The following CSMD1 variants were observed in gnomAD, a reference collection of about 807,000 sequenced individuals.
The protein encoded by CSMD1 is CUB and sushi domain-containing protein 1.
Under a neutral mutation model 417.5 loss-of-function variants are expected in CSMD1, and 213 were observed. The ratio of observed to expected loss-of-function variants is 0.51; its 90% CI spans 0.46 to 0.57. The LOEUF is 0.57. Ranked by LOEUF, CSMD1 falls within the 20% of genes least tolerant of loss-of-function variation. The probability of loss-of-function intolerance (pLI) is 0.00; values close to 1 mark genes in which losing one functional copy is unlikely to be tolerated. For synonymous variants in CSMD1, 2,862 were observed against 1,736.8 expected (o/e 1.65, Z -16.11); for missense variants, 6,923 against 4,529.7 (o/e 1.53, Z -15.17).
intron 1 of CSMD1, among the ~76,000 whole-genome samples, chr8:4,670,489 C>T (rs756636277): frequency 1.3e-5 from 2 of 152,140 alleles, no homozygotes; most frequent in Non-Finnish European, 2.9e-5. Flanking sequence ...ACTACTCCCA[C>T]TTGAATTCAT....
chr8:3,712,020 C>A (rs1203342682), intron 6 of CSMD1, among the ~76,000 whole-genome samples: 1 of 152,188 alleles, frequency 6.6e-6, no homozygotes, highest in South Asian at 2.1e-4. Context: ...AAATTTCGTA[C>A]TCTTGCAAAC....
intron 1 of CSMD1, among the ~76,000 whole-genome samples, chr8:4,671,023 G>C (rs1223571792): frequency 6.6e-6 from 1 of 152,192 alleles, no homozygotes; most frequent in African/African-American, 2.4e-5. Context: ...ATTGGCTGCT[G>C]TTTTATCCAC....
intron 3 of CSMD1, among the ~76,000 whole-genome samples, chr8:4,246,052 T>C (rs1802690937): frequency 2.0e-5 from 3 of 152,296 alleles, no homozygotes; most frequent in Admixed American, 6.5e-5. Context: ...TTAAGTTTAG[T>C]GGTAGAAGTG....
At chr8:4,013,433 G>C (rs541360465) in intron 4 of CSMD1, among the ~76,000 whole-genome samples, 3 of 152,074 alleles carry the variant, frequency 2.0e-5, no homozygotes, top group Admixed American at 1.3e-4. Flanking sequence ...CAAATATTCC[G>C]GTTTTCTACT....
chr8:4,060,848 G>T (rs1482880623), intron 3 of CSMD1, among the ~76,000 whole-genome samples: 2 of 152,106 alleles, frequency 1.3e-5, no homozygotes, highest in African/African-American at 4.8e-5. Context: ...ATCATGTAAG[G>T]TTAGATGACC....
intron 7 of CSMD1, among the ~76,000 whole-genome samples, chr8:3,640,722 C>T (rs193294929): frequency 6.6e-6 from 1 of 152,152 alleles, no homozygotes; most frequent in African/African-American, 2.4e-5. Flanking sequence ...GTGTAGAAAC[C>T]ATGTTGTCCC....
intron 7 of CSMD1, among the ~76,000 whole-genome samples, chr8:3,702,810 C>G (rs913145553): frequency 6.6e-6 from 1 of 152,174 alleles, no homozygotes; most frequent in Admixed American, 6.5e-5. Context: ...GCCTGGGTGA[C>G]AGAACGAGAC....
chr8:3,369,057 C>A (rs918486396), intron 19 of CSMD1, among the ~76,000 whole-genome samples, 197 bp downstream of exon 19: 2 of 152,116 alleles, frequency 1.3e-5, no homozygotes, highest in Non-Finnish European at 2.9e-5. Flanking sequence ...GAGAGCAAAA[C>A]GGGGAATGGT....
chr8:3,959,734 G>A (rs1462463960), intron 5 of CSMD1, among the ~76,000 whole-genome samples: 1 of 152,162 alleles, frequency 6.6e-6, no homozygotes, highest in Non-Finnish European at 1.5e-5. Flanking sequence ...TGAAACTGCA[G>A]CGGGAACACA....
chr8:3,331,756 G>T (rs911891583), intron 23 of CSMD1, among the ~76,000 whole-genome samples: 2 of 152,176 alleles, frequency 1.3e-5, no homozygotes, highest in Non-Finnish European at 2.9e-5. Flanking sequence ...GACCTTCAGG[G>T]CTTCATGCCA....
chr8:4,923,508 AT>A, intron 1 of CSMD1, among the ~76,000 whole-genome samples: 1 of 145,740 alleles, frequency 6.9e-6, no homozygotes, highest in African/African-American at 2.5e-5. Context: ...CTAAATATAA[AT>A]AAACACACAT....
intron 7 of CSMD1, among the ~76,000 whole-genome samples, chr8:3,707,038 G>T (rs1285114388): frequency 6.6e-6 from 1 of 151,978 alleles, no homozygotes; most frequent in Non-Finnish European, 1.5e-5. Flanking sequence ...GACCAGAGGG[G>T]TAGTCAGAGT....
chr8:4,967,089 G>A (rs1311318494), intron 1 of CSMD1, among the ~76,000 whole-genome samples: 2 of 152,156 alleles, frequency 1.3e-5, no homozygotes, highest in African/African-American at 2.4e-5. Flanking sequence ...GATTTGAAAT[G>A]TCTGAGCAGA....
intron 5 of CSMD1, among the ~76,000 whole-genome samples, chr8:3,895,010 A>C (rs772855904): frequency 1.3e-5 from 2 of 152,196 alleles, no homozygotes; most frequent in Non-Finnish European, 2.9e-5. Flanking sequence ...AAAGCAGCTT[A>C]GTGGAGGCCA....
chr8:3,129,717 G>C (rs577612176), intron 41 of CSMD1, among the ~76,000 whole-genome samples: 5 of 147,248 alleles, frequency 3.4e-5, no homozygotes, highest in African/African-American at 1.3e-4. Context: ...GGCCGGGCGG[G>C]GTGGCTCATG....
intron 7 of CSMD1, among the ~76,000 whole-genome samples, chr8:3,617,918 A>C (rs76640631): frequency 0.018 from 2,729 of 152,326 alleles, 38 homozygotes; most frequent in South Asian, 0.051. Flanking sequence ...CGTGAGAAGA[A>C]AATAATATGT....
At chr8:3,600,438 C>G (rs1801307828) in intron 8 of CSMD1, among the ~76,000 whole-genome samples, 1 of 152,158 alleles carries the variant, frequency 6.6e-6, no homozygotes, top group Admixed American at 6.5e-5. Context: ...TCTAAACCAG[C>G]AGTTCTCAGC....
At chr8:4,013,789 T>C (rs1796392162) in intron 4 of CSMD1, among the ~76,000 whole-genome samples, 1 of 152,198 alleles carries the variant, frequency 6.6e-6, no homozygotes, top group Admixed American at 6.5e-5. Context: ...TAGGCTTTAC[T>C]GAAACACAGC....
intron 2 of CSMD1, among the ~76,000 whole-genome samples, chr8:4,473,621 A>G (rs1800649091): frequency 6.6e-6 from 1 of 152,200 alleles, no homozygotes; most frequent in African/African-American, 2.4e-5. Flanking sequence ...CACTTTACCT[A>G]AACTTGGGGA....
Sources: gnomAD v4.1 joint callset for allele counts (sites outside exome capture counted in the v4.1 genomes callset) on GRCh38, gnomAD v4.1.1 for gene constraint, MANE v1.5 for transcripts, NCBI Gene and HGNC (gene_info 2026-07-23, HGNC 2026-07-21) for gene names.